The following IFT80 variants were observed in gnomAD, a reference collection of about 807,000 sequenced individuals.
IFT80 encodes the protein intraflagellar transport protein 80 homolog.
A neutral mutation model predicts 107.9 loss-of-function variants in IFT80; 79 were observed. The ratio of observed to expected loss-of-function variants is 0.73; its 90% CI spans 0.61 to 0.88. The LOEUF is 0.88. IFT80 is among the 40% of genes least tolerant of loss of function. IFT80 has a pLI of 0.00. For synonymous variants in IFT80, 299 were observed against 300.9 expected, an observed-to-expected ratio of 0.99 and a Z score of 0.07; for missense variants, 797 against 914.2, an observed-to-expected ratio of 0.87 and a Z score of 1.65.
intron 12 of IFT80, among the ~76,000 whole-genome samples, chr3:160,288,708 C>G (rs1222804246): frequency 6.6e-6 from 1 of 151,976 alleles, no homozygotes; most frequent in Non-Finnish European, 1.5e-5. Flanking sequence ...TACATGTGGC[C>G]AACAAACATA....
At position 160,271,783 on chromosome 3, in the gene IFT80, A is replaced by G. The variant is rs536650652; in HGVS notation, c.2100-3247T>C. On this transcript the variant is annotated intron_variant, in intron 18 of 19. Coordinates refer to ENST00000326448, the MANE Select transcript of IFT80 (RefSeq NM_020800.3). Reference sequence around the variant, plus strand: ...ATGTATTTAGCATCTAACAAATTCTATCCTTCTGGAATGATAGAATATCAC... The same window carrying G: ...ATGTATTTAGCATCTAACAAATTCTGTCCTTCTGGAATGATAGAATATCAC... 2.5e-4 allele frequency among the ~76,000 whole-genome samples: 38 copies of G among 152,238 alleles called. No homozygotes were observed. The South Asian group carries it at 7.5e-3, about 30-fold the overall frequency.
chr3:160,357,914 A>G (rs1353061573), intron 6 of IFT80, among the ~76,000 whole-genome samples: 1 of 152,220 alleles, frequency 6.6e-6, no homozygotes, highest in Non-Finnish European at 1.5e-5. Flanking sequence ...TATGTATTCC[A>G]AAAATGTCAA....
intron 6 of IFT80, among the ~76,000 whole-genome samples, chr3:160,362,568 GAA>G (rs1358601786): frequency 1.3e-5 from 2 of 152,000 alleles, no homozygotes; most frequent in African/African-American, 4.8e-5. Context: ...CACAACCAAA[GAA>G]GAGAATTTTA....
chr3:160,307,606 AAC>A (rs889239178), intron 10 of IFT80, 55 bp downstream of exon 10: 39 of 947,224 alleles, frequency 4.1e-5, no homozygotes, highest in Middle Eastern at 3.0e-4. Context: ...CCTGAAAATA[AAC>A]TCCTCAGCAC....
chr3:160,265,133 G>A (rs919657075), intron 19 of IFT80, among the ~76,000 whole-genome samples: 2 of 152,158 alleles, frequency 1.3e-5, no homozygotes, highest in African/African-American at 4.8e-5. Flanking sequence ...CATAAAGCCA[G>A]GGCCAGTGTC....
At chr3:160,317,412 CAT>C (rs1717900530) in intron 9 of IFT80, among the ~76,000 whole-genome samples, 1 of 152,048 alleles carries the variant, frequency 6.6e-6, no homozygotes, top group Non-Finnish European at 1.5e-5. Context: ...TCTTATTTCA[CAT>C]AAAAATCCTC....
intron 8 of IFT80, among the ~76,000 whole-genome samples, chr3:160,349,359 G>A (rs972783602): frequency 1.3e-5 from 2 of 151,956 alleles, no homozygotes; most frequent in African/African-American, 4.8e-5. Flanking sequence ...TGAGGCAGGA[G>A]AATCTCTTGA....
Position 160,356,111 on chromosome 3 carries a change from G to C in IFT80, c.679C>G (p.Pro227Ala), listed in dbSNP as rs1721069944. 6.2e-7 allele frequency: 1 copy of C among 1,614,110 alleles called. No homozygotes were observed. The highest frequency in any genetic ancestry group is 1.3e-5 in the African/African-American group (1 of 75,040). Residue 227 changes from proline (P) to alanine (A), a missense_variant, in exon 8 of 20, where the codon CCT (proline) becomes GCT (alanine). Coordinates refer to ENST00000326448, the MANE Select transcript of IFT80 (RefSeq NM_020800.3). ...SYGRPLYNSQ[P>A]HEHPITSVAW... ...ACTGAAGTAATGGGATGCTCATGAG[G>C]TTGTGAATTGTACAGTGGGCGGCCG... is the stretch of plus-strand genomic sequence containing the variant.
Position 160,357,571 on chromosome 3 carries a change from G to A in IFT80, c.557C>T (p.Ala186Val). Residue 186 changes from alanine to valine, a missense_variant, in exon 7 of 20, where the codon GCT becomes GTT. By Grantham distance (64) the Ala-to-Val change is moderately conservative (BLOSUM62 0). Coordinates refer to ENST00000326448, the MANE Select transcript of IFT80 (RefSeq NM_020800.3). ...QPNAKVLQWK[A>V]HDGIILKVDW... ...TACTTTTAAAATAATGCCATCATGA[G>A]CTTTCCACTGTGAGAAAAAAGAATA... 6.3e-7 allele frequency: 1 copy of A among 1,587,376 alleles called. No individual in the cohort carries two copies. The highest frequency in any genetic ancestry group is 8.6e-7 in the Non-Finnish European group (1 of 1,157,138).
At chr3:160,346,259 C>T (rs368912679) in intron 8 of IFT80, among the ~76,000 whole-genome samples, 5 of 152,132 alleles carry the variant, frequency 3.3e-5, no homozygotes, top group East Asian at 1.9e-4. Context: ...AGATTTTCAA[C>T]GTTATCACTA....
intron 9 of IFT80, among the ~76,000 whole-genome samples, chr3:160,318,612 A>G (rs6441313): frequency 0.52 from 79,660 of 151,802 alleles, 21,352 homozygotes; most frequent in African/African-American, 0.56. Flanking sequence ...TCCCACTGAT[A>G]TCCTTTGACC....
chr3:160,283,676 C>T (rs1714870825), intron 13 of IFT80, among the ~76,000 whole-genome samples: 1 of 152,116 alleles, frequency 6.6e-6, no homozygotes, highest in Non-Finnish European at 1.5e-5. Flanking sequence ...TTATCATCGT[C>T]ATCATCATCA....
At chr3:160,375,165 A>G (rs1478288453) in intron 5 of IFT80, among the ~76,000 whole-genome samples, 1 of 152,206 alleles carries the variant, frequency 6.6e-6, no homozygotes. Context: ...TCAGGTAAAC[A>G]TTAAAACTGC....
In IFT80 at chr3:160,357,507, A is replaced by G. The variant is rs375248269; in HGVS notation, c.621T>C (p.Gly207=). 1.3e-6 allele frequency: 2 copies of G among 1,563,122 alleles called. No individual in the cohort carries two copies. The highest frequency in any genetic ancestry group is 2.7e-5 in the African/African-American group (2 of 73,862). Residue 207 remains glycine (G), a synonymous_variant, in exon 7 of 20, where the codon GGT becomes GGC. Coordinates refer to ENST00000326448, the MANE Select transcript of IFT80 (RefSeq NM_020800.3). ...TATATACCTTATATTTACAGTCTTC[A>G]CCAGCAGATAAAATAAGATCATTGA... The part of the protein sequence containing the change: ...NSVNDLILSA[G]EDCKYKVWDS...
At chr3:160,369,976 C>T (rs887625457) in intron 5 of IFT80, among the ~76,000 whole-genome samples, 1 of 152,052 alleles carries the variant, frequency 6.6e-6, no homozygotes, top group African/African-American at 2.4e-5. Context: ...TGTTAAATGT[C>T]AGACCCTTAT....
At chr3:160,287,258 T>C (rs139756543) in intron 12 of IFT80, among the ~76,000 whole-genome samples, 2,195 of 152,300 alleles carry the variant, frequency 0.014, 52 homozygotes, top group African/African-American at 0.046. Flanking sequence ...TGAGTCATTT[T>C]AGTGAATTAT....
chr3:160,361,102 G>T (rs1364571914), intron 6 of IFT80, among the ~76,000 whole-genome samples: 1 of 152,170 alleles, frequency 6.6e-6, no homozygotes, highest in Non-Finnish European at 1.5e-5. Context: ...GAAGAATCAA[G>T]ATCCATCAGT....
At chr3:160,376,321 G>C (rs896230702) in intron 4 of IFT80, among the ~76,000 whole-genome samples, 2 of 152,182 alleles carry the variant, frequency 1.3e-5, no homozygotes, top group African/African-American at 4.8e-5. Flanking sequence ...GAACAGCTTT[G>C]CTGAAAAAGG....
At chr3:160,344,419 C>A (rs770851375) in intron 8 of IFT80, among the ~76,000 whole-genome samples, 1 of 152,124 alleles carries the variant, frequency 6.6e-6, no homozygotes, top group Admixed American at 6.5e-5. Flanking sequence ...AGACCCCTAT[C>A]TCTCACCATA....
Sources: gnomAD v4.1 joint callset for allele counts (sites outside exome capture counted in the v4.1 genomes callset) on GRCh38, gnomAD v4.1.1 for gene constraint, MANE v1.5 for transcripts, NCBI Gene and HGNC (gene_info 2026-07-23, HGNC 2026-07-21) for gene names.